The following VEPH1 variants were observed in gnomAD, a reference collection of about 807,000 sequenced individuals.
The protein encoded by VEPH1 is ventricular zone expressed PH domain containing 1.
In VEPH1, 80 loss-of-function variants were observed where a neutral mutation model predicts 85.2. The observed-to-expected ratio is 0.94, with a 90% CI of 0.78 to 1.13. The LOEUF is 1.13. Ranked by LOEUF, VEPH1 falls within the 50% of genes most tolerant of loss-of-function variation. VEPH1 has a pLI of 0.00. For missense variants in VEPH1, 955 were observed against 980.5 expected, an observed-to-expected ratio of 0.97 and a Z score of 0.35; for synonymous variants, 297 against 348.0, an observed-to-expected ratio of 0.85 and a Z score of 1.63.
At chr3:157,366,500 C>T (rs552173556) in intron 7 of VEPH1, among the ~76,000 whole-genome samples, 3 of 151,914 alleles carry the variant, frequency 2.0e-5, no homozygotes, top group African/African-American at 4.8e-5. Flanking sequence ...TTTGGGAGGC[C>T]GAGGTGGGTG....
chr3:157,501,449 G>C (rs894449842), intron 1 of VEPH1, among the ~76,000 whole-genome samples: 1 of 152,206 alleles, frequency 6.6e-6, no homozygotes, highest in Non-Finnish European at 1.5e-5. Context: ...TTCCATGGAA[G>C]TGTAGCACTC....
At chr3:157,325,753 T>C (rs1721830549) in intron 9 of VEPH1, among the ~76,000 whole-genome samples, 1 of 152,144 alleles carries the variant, frequency 6.6e-6, no homozygotes, top group Admixed American at 6.6e-5. Context: ...CCTTGTAGTA[T>C]AGTTTGAAAT....
At chr3:157,355,277 C>A (rs139667262) in intron 9 of VEPH1, among the ~76,000 whole-genome samples, 194 of 152,292 alleles carry the variant, frequency 1.3e-3, no homozygotes, top group African/African-American at 4.6e-3. Context: ...CAGTTGTATC[C>A]CCTGCCTACA....
intron 11 of VEPH1, among the ~76,000 whole-genome samples, chr3:157,310,876 G>T (rs1487681602): frequency 1.3e-5 from 2 of 152,134 alleles, no homozygotes; most frequent in Non-Finnish European, 2.9e-5. Context: ...CCTTGCTTCA[G>T]TAGACAGGGA....
At chr3:157,489,222 G>A (rs1336162094) in intron 2 of VEPH1, 2 of 455,828 alleles carry the variant, frequency 4.4e-6, no homozygotes, top group Non-Finnish European at 8.8e-6. Context: ...ACTCTCCAGT[G>A]GCTGCCCAAG....
At chr3:157,376,664 A>C (rs1728151670) in intron 7 of VEPH1, among the ~76,000 whole-genome samples, 1 of 152,216 alleles carries the variant, frequency 6.6e-6, no homozygotes, top group Non-Finnish European at 1.5e-5. Context: ...AAGTGGGCTC[A>C]CCTGGTGCTT....
At chr3:157,428,269 C>G in intron 5 of VEPH1, 53 bp downstream of exon 5, 2 of 1,595,458 alleles carry the variant, frequency 1.3e-6, no homozygotes, top group South Asian at 2.2e-5. Flanking sequence ...TGTTCACACA[C>G]AAAGAAACAT....
chr3:157,420,057 C>T (rs1398390983), intron 5 of VEPH1, among the ~76,000 whole-genome samples: 6 of 151,826 alleles, frequency 4.0e-5, no homozygotes, highest in Admixed American at 1.3e-4. Context: ...TTATCCTCAG[C>T]AAACTAATGC....
chr3:157,392,925 T>A (rs972652560), intron 6 of VEPH1, among the ~76,000 whole-genome samples: 5 of 152,344 alleles, frequency 3.3e-5, no homozygotes, highest in Admixed American at 1.3e-4. Context: ...TGAAAATAGC[T>A]ATTCTATTTC....
chr3:157,328,272 T>C (rs1722145522), intron 9 of VEPH1, among the ~76,000 whole-genome samples: 1 of 152,194 alleles, frequency 6.6e-6, no homozygotes, highest in South Asian at 2.1e-4. Flanking sequence ...GCACAGAGCA[T>C]GTGTTTAATA....
intron 4 of VEPH1, among the ~76,000 whole-genome samples, chr3:157,430,418 C>T (rs1305628414): frequency 6.6e-6 from 1 of 152,158 alleles, no homozygotes; most frequent in Admixed American, 6.5e-5. Flanking sequence ...ACTCTCACAG[C>T]CATGTGTTAT....
intron 2 of VEPH1, among the ~76,000 whole-genome samples, chr3:157,488,007 C>T (rs1237717021): frequency 6.6e-6 from 1 of 152,008 alleles, no homozygotes; most frequent in Non-Finnish European, 1.5e-5. Flanking sequence ...CAATCTAGTT[C>T]TGGAGAGCTA....
intron 2 of VEPH1, among the ~76,000 whole-genome samples, chr3:157,472,119 A>G (rs1464086149): frequency 6.6e-6 from 1 of 152,214 alleles, no homozygotes; most frequent in Non-Finnish European, 1.5e-5. Flanking sequence ...TGCAGATATT[A>G]TCCACACATT....
intron 4 of VEPH1, chr3:157,459,848 C>T (rs1452458896): frequency 2.0e-6 from 3 of 1,532,482 alleles, no homozygotes; most frequent in Non-Finnish European, 2.6e-6. Context: ...TGACGTGTTC[C>T]ACTCAGTACA....
chr3:157,464,949 G>A (rs1736226132), intron 3 of VEPH1, among the ~76,000 whole-genome samples: 2 of 152,228 alleles, frequency 1.3e-5, no homozygotes, highest in East Asian at 3.9e-4. Flanking sequence ...ATATAAAATG[G>A]TTCATTCTTC....
chr3:157,406,767 A>G (rs1418465273), intron 6 of VEPH1, among the ~76,000 whole-genome samples: 1 of 152,088 alleles, frequency 6.6e-6, no homozygotes, highest in Non-Finnish European at 1.5e-5. Context: ...TGTAAAAAAA[A>G]TTTTAAAGCA....
intron 7 of VEPH1, among the ~76,000 whole-genome samples, chr3:157,380,500 T>C (rs978003327): frequency 1.3e-5 from 2 of 152,254 alleles, no homozygotes; most frequent in Admixed American, 6.5e-5. Context: ...AAATGACTTC[T>C]GTTTCCAGAA....
rs1193097232 is a variant in VEPH1, at chr3:157,495,305, T to C, written c.45A>G (p.Ser15=). 1 of 1,613,934 alleles carries C rather than the reference T, an allele frequency of 6.2e-7. No homozygotes were observed. Residue 15 remains serine (S), a synonymous_variant, in exon 2 of 14, where the codon TCA becomes TCG. Transcript: ENST00000362010. ...FRLVLGQKDL[S]RAGDLFSLDD... ...CTAAGGAGAAGAGGTCCCCAGCTCG[T>C]GAAAGATCTTTTTGTCCCAAAACCA...
At chr3:157,377,112 G>T (rs1196202219) in intron 7 of VEPH1, among the ~76,000 whole-genome samples, 4 of 152,106 alleles carry the variant, frequency 2.6e-5, no homozygotes, top group Admixed American at 1.3e-4. Flanking sequence ...CCACACGAGG[G>T]TTTAGAGATT....
Sources: allele counts gnomAD v4.1 joint callset (sites outside exome capture counted in the v4.1 genomes callset), GRCh38; gene constraint gnomAD v4.1.1; transcripts MANE v1.5; gene names NCBI Gene and HGNC (gene_info 2026-07-23, HGNC 2026-07-21).